Variants in IRAK1BP1 observed in about 807,000 individuals in gnomAD.
IRAK1BP1 encodes the protein interleukin 1 receptor associated kinase 1 binding protein 1, also known as interleukin-1 receptor-associated kinase 1-binding protein 1.
IRAK1BP1 carries 24 observed loss-of-function variants against 28.0 expected under a neutral mutation model. The observed-to-expected ratio is 0.86, with a 90% CI of 0.62 to 1.20. IRAK1BP1 has a LOEUF of 1.20. Among genes scored for constraint, IRAK1BP1 ranks in the 50% most tolerant of loss-of-function variants. IRAK1BP1 has a pLI of 0.00. For missense variants in IRAK1BP1, 336 were observed against 316.7 expected (o/e 1.06, Z -0.46); for synonymous variants, 131 against 116.3 (o/e 1.13, Z -0.81).
At chr6:78,917,971 C>G (rs1324319578) in intron 4 of IRAK1BP1, among the ~76,000 whole-genome samples, 3 of 152,312 alleles carry the variant, frequency 2.0e-5, no homozygotes, top group Middle Eastern at 3.4e-3. Context: ...ACAAAACACA[C>G]TTAAGTACAT....
At chr6:78,919,114 A>C (rs183641262) in intron 4 of IRAK1BP1, among the ~76,000 whole-genome samples, 1 of 152,372 alleles carries the variant, frequency 6.6e-6, no homozygotes, top group African/African-American at 2.4e-5. Context: ...GTAAACAACA[A>C]AATTAAAGCA....
chr6:78,957,233 T>C, the IRAK1BP1 span: 1 of 152,152 alleles, frequency 6.6e-6, no homozygotes, highest in South Asian at 2.1e-4. Flanking sequence ...GAAATATGAA[T>C]ATACTATCTC....
the IRAK1BP1 span, chr6:78,970,247 G>T: frequency 7.6e-7 from 1 of 1,311,180 alleles, no homozygotes; most frequent in Non-Finnish European, 1.1e-6. Flanking sequence ...ACATTGTTGA[G>T]AAAAAACTTC....
chr6:78,910,248 G>A (rs370958330), intron 4 of IRAK1BP1, among the ~76,000 whole-genome samples: 1 of 152,136 alleles, frequency 6.6e-6, no homozygotes, highest in East Asian at 1.9e-4. Flanking sequence ...GGGAGGACGG[G>A]CGAGGGCCTA....
rs376841091 is a variant in IRAK1BP1, at chr6:78,945,439, T to C, written c.*99T>C. ...TCCTAGTGCCATGACTAAAACTGGATTGACCAGGACTGGAAAGAGTATTCA... is the reference window on the plus strand; with the variant it reads ...TCCTAGTGCCATGACTAAAACTGGACTGACCAGGACTGGAAAGAGTATTCA... On this transcript the variant is annotated 3_prime_UTR_variant and NMD_transcript_variant, in exon 5 of 5. Transcript: ENST00000606868. The C allele has an allele frequency of 2.4e-4, 394 of 1,611,846 alleles. 8 individuals carry two copies. The South Asian group carries it at 4.1e-3, about 17-fold the overall frequency.
chr6:78,961,710 T>C, the IRAK1BP1 span: 2 of 1,612,536 alleles, frequency 1.2e-6, no homozygotes, highest in Admixed American at 3.3e-5. Flanking sequence ...TGTTTTCCAG[T>C]CTTTGTTTAA....
intron 4 of IRAK1BP1, among the ~76,000 whole-genome samples, chr6:78,925,546 C>T (rs1373596699): frequency 6.6e-6 from 1 of 152,062 alleles, no homozygotes; most frequent in Non-Finnish European, 1.5e-5. Context: ...CAGATTCTGA[C>T]AAGGCTGCAG....
intron 2 of IRAK1BP1, among the ~76,000 whole-genome samples, chr6:78,892,437 CAT>C (rs1196120170): frequency 1.3e-5 from 2 of 152,158 alleles, no homozygotes; most frequent in African/African-American, 4.8e-5. Flanking sequence ...GTGTCTTTCT[CAT>C]GTGCTACCTT....
chr6:78,917,632 T>TAAAA lies in IRAK1BP1; in HGVS notation c.*67+14543_*67+14546dup, dbSNP rs35313944. Among the ~76,000 whole-genome samples the TAAAA allele has an allele frequency of 4.8e-3, 303 of 63,684 alleles. 2 individuals are homozygous for TAAAA. Among genetic ancestry groups the TAAAA allele is most frequent in the African/African-American group, 0.018 (278 of 15,390 alleles). 41.8% of individuals were successfully genotyped at this position (63,684 alleles called of 152,430 possible). A position where few individuals can be genotyped will look rare whatever the true frequency, so the allele number is the denominator to read the frequency against. On this transcript the variant is annotated intron_variant and NMD_transcript_variant, in intron 4 of 4. Transcript: ENST00000606868. ...GTCACCAGACTGTCAAAGTCAACAC[T>TAAAA]AAAAAAAAAAAAAAAAAAAAAAAAT...
the IRAK1BP1 span, among the ~76,000 whole-genome samples, chr6:78,974,985 T>A: frequency 6.6e-6 from 1 of 151,314 alleles, no homozygotes; most frequent in Non-Finnish European, 1.5e-5. Flanking sequence ...ACTATTCCAA[T>A]CAATAGAAAA....
intron 4 of IRAK1BP1, among the ~76,000 whole-genome samples, chr6:78,944,201 AAAG>A (rs1339109358): frequency 2.6e-5 from 4 of 152,084 alleles, no homozygotes; most frequent in Non-Finnish European, 5.9e-5. Context: ...CAAAAGAGAG[AAAG>A]AAGGTAAAAG....
chr6:78,902,889 G>A lies in IRAK1BP1; in HGVS notation c.*4555G>A. On this transcript the variant is annotated 3_prime_UTR_variant, in exon 4 of 4. Transcript: ENST00000369940. Reference sequence around the variant, plus strand: ...ATTCAAATCAGACACTGCTCTTCAAGAGAGGTAATATTAATAGAAATCTTT... The same window carrying A: ...ATTCAAATCAGACACTGCTCTTCAAAAGAGGTAATATTAATAGAAATCTTT... 1.5e-6 allele frequency: 1 copy of A among 654,034 alleles called. No homozygotes were observed. Among genetic ancestry groups the A allele is most frequent in the Non-Finnish European group, 2.6e-6 (1 of 380,272 alleles). The allele number at this position is 654,034 out of a possible 1,614,324, so 40.5% of individuals were successfully genotyped here.
At chr6:78,977,943 C>G in the IRAK1BP1 span, among the ~76,000 whole-genome samples, 1 of 151,864 alleles carries the variant, frequency 6.6e-6, no homozygotes, top group African/African-American at 2.4e-5. Flanking sequence ...ATTTTAATTC[C>G]CAATTTATTT....
At chr6:78,978,888 C>A in the IRAK1BP1 span, among the ~76,000 whole-genome samples, 2 of 152,076 alleles carry the variant, frequency 1.3e-5, no homozygotes, top group Non-Finnish European at 2.9e-5. Flanking sequence ...ATTCAACCAA[C>A]CTTGACTGAA....
intron 4 of IRAK1BP1, among the ~76,000 whole-genome samples, chr6:78,925,841 A>C (rs1157112294): frequency 6.6e-6 from 1 of 152,188 alleles, no homozygotes; most frequent in Non-Finnish European, 1.5e-5. Context: ...CATATACACC[A>C]TGGAATACTA....
chr6:78,880,747 A>C (rs1025545480), intron 1 of IRAK1BP1, among the ~76,000 whole-genome samples: 1 of 152,226 alleles, frequency 6.6e-6, no homozygotes, highest in African/African-American at 2.4e-5. Flanking sequence ...CAAGGAACTT[A>C]TACAGATGGC....
rs913658508 is a variant in IRAK1BP1 at position 78,901,634 on chromosome 6, C to G, written c.*3300C>G. 2.0e-5 allele frequency: 3 copies of G among 151,832 alleles called. No individual in the cohort carries two copies. The highest frequency in any genetic ancestry group is 4.4e-5 in the Non-Finnish European group (3 of 67,944). The allele number at this position is 151,832 out of a possible 1,614,324, so 9.4% of individuals were successfully genotyped here. ...ATATTTGAAACAGACCCACTGTATC[C>G]TAAATGGAAGTGCTATTAAAAGGAA... On this transcript the variant is annotated 3_prime_UTR_variant, in exon 4 of 4. Transcript: ENST00000369940.
At chr6:78,893,063 CT>C (rs1226874678) in intron 2 of IRAK1BP1, among the ~76,000 whole-genome samples, 2 of 150,990 alleles carry the variant, frequency 1.3e-5, no homozygotes, top group Non-Finnish European at 3.0e-5. Flanking sequence ...AAAAGTTCAA[CT>C]AACCCTAAGC....
intron 1 of IRAK1BP1, among the ~76,000 whole-genome samples, chr6:78,869,147 G>A (rs991713190): frequency 1.3e-5 from 2 of 152,180 alleles, no homozygotes; most frequent in Non-Finnish European, 2.9e-5. Context: ...TGCTACTAGT[G>A]CTGTAGTCGT....
Sources: gnomAD v4.1 joint callset for allele counts (sites outside exome capture counted in the v4.1 genomes callset) on GRCh38, gnomAD v4.1.1 for gene constraint, MANE v1.5 for transcripts, NCBI Gene and HGNC (gene_info 2026-07-23, HGNC 2026-07-21) for gene names.